CYP4Z1: variants seen among roughly 807,000 people sequenced by gnomAD.
CYP4Z1 encodes cytochrome P450 family 4 subfamily Z member 1.
A neutral mutation model predicts 54.2 loss-of-function variants in CYP4Z1; 41 were observed. The ratio of observed to expected loss-of-function variants is 0.76; its 90% CI spans 0.59 to 0.98. The LOEUF (loss-of-function observed/expected upper bound fraction) is 0.98. Among genes scored for constraint, CYP4Z1 ranks in the 50% least tolerant of loss-of-function variants. The probability of loss-of-function intolerance (pLI) is 0.00; values close to 1 mark genes in which losing one functional copy is unlikely to be tolerated. For synonymous variants in CYP4Z1, 163 were observed against 206.2 expected (o/e 0.79, Z 1.79); for missense variants, 513 against 599.0 (o/e 0.86, Z 1.50).
intron 8 of CYP4Z1, among the ~76,000 whole-genome samples, chr1:47,099,541 A>G (rs1644705383): frequency 6.6e-6 from 1 of 152,200 alleles, no homozygotes; most frequent in Admixed American, 6.5e-5. Flanking sequence ...AACTGCGGAA[A>G]GAATAGTCTG....
At chr1:47,063,267 A>G (rs1199164568), upstream of CYP4Z1, among the ~76,000 whole-genome samples, 1 of 152,166 alleles carries the variant, frequency 6.6e-6, no homozygotes, top group Non-Finnish European at 1.5e-5. Context: ...CTTCCCTCTG[A>G]CATAGTCTAT....
intron 8 of CYP4Z1, among the ~76,000 whole-genome samples, chr1:47,102,684 C>A (rs1374346327): frequency 6.6e-6 from 1 of 152,218 alleles, no homozygotes; most frequent in African/African-American, 2.4e-5. Flanking sequence ...GAGAAATCTA[C>A]TGTTAGCCTA....
At chr1:47,104,343 C>G (rs1301746118) in intron 8 of CYP4Z1, among the ~76,000 whole-genome samples, 1 of 152,196 alleles carries the variant, frequency 6.6e-6, no homozygotes, top group African/African-American at 2.4e-5. Context: ...GCAGTGGCTA[C>G]AGTAGGCTGA....
chr1:47,059,763 T>G, the CYP4Z1 span, among the ~76,000 whole-genome samples: 10 of 152,154 alleles, frequency 6.6e-5, no homozygotes, highest in Non-Finnish European at 1.2e-4. Flanking sequence ...GGCTGGGCTG[T>G]TTCCTAAGCA....
intron 6 of CYP4Z1, among the ~76,000 whole-genome samples, chr1:47,086,834 A>G (rs1644598943): frequency 6.6e-6 from 1 of 152,184 alleles, no homozygotes; most frequent in African/African-American, 2.4e-5. Flanking sequence ...TATGTCTAAC[A>G]TTTAAATCTT....
At chr1:47,105,923 G>T (rs559603972) in intron 8 of CYP4Z1, among the ~76,000 whole-genome samples, 48 of 152,194 alleles carry the variant, frequency 3.2e-4, no homozygotes, top group African/African-American at 8.2e-4. Context: ...ATCTGCGGGG[G>T]GGGGAGAATC....
the CYP4Z1 span, among the ~76,000 whole-genome samples, chr1:47,058,863 T>G: frequency 6.6e-6 from 1 of 152,146 alleles, no homozygotes; most frequent in Admixed American, 6.6e-5. Context: ...CAGGGGCCTA[T>G]GAATATTATT....
intron 8 of CYP4Z1, among the ~76,000 whole-genome samples, chr1:47,103,625 G>C (rs1237498885): frequency 2.7e-5 from 1 of 37,228 alleles, no homozygotes; most frequent in African/African-American, 1.0e-4. Flanking sequence ...ACAGAGTTTT[G>C]CTCTTGTTGC....
Position 47,084,636 on chromosome 1 carries a change from A to C in CYP4Z1, c.509A>C (p.His170Pro), listed in dbSNP as rs748820256. The change falls in exon 5 of 12, where the codon CAC becomes CCC. Residue 170 changes from histidine to proline, a missense_variant. Physicochemically the swap from His to Pro is moderately conservative, Grantham distance 77. Coordinates refer to ENST00000334194, the MANE Select transcript of CYP4Z1 (RefSeq NM_178134.3). Reference protein sequence around the residue: ...VRMMLNKWEEHIAQNSRLELF... With the variant: ...VRMMLNKWEEPIAQNSRLELF... ...CTGCCCCAGAACAAATGGGAGGAAC[A>C]CATTGCCCAAAACTCACGTCTGGAG... 5.0e-6 allele frequency: 8 copies of C among 1,603,812 alleles called. No individual in the cohort carries two copies. In the East Asian group the frequency reaches 1.8e-4, roughly 36 times the overall value.
At position 47,117,659 on chromosome 1, in the gene CYP4Z1, T is replaced by A. The variant is rs1473249606; in HGVS notation, c.1350-107T>A. 8 of 1,162,310 alleles carry A rather than the reference T, an allele frequency of 6.9e-6. No individual in the cohort carries two copies. In the East Asian group the frequency reaches 1.1e-4, roughly 16 times the overall value. The allele number at this position is 1,162,310 out of a possible 1,614,324, so 72.0% of individuals were successfully genotyped here. A position where few individuals can be genotyped will look rare whatever the true frequency, so the allele number is the denominator to read the frequency against. On this transcript the variant is annotated intron_variant, in intron 11 of 11. Coordinates refer to ENST00000334194, the MANE Select transcript of CYP4Z1 (RefSeq NM_178134.3). ...TCCAGCAGGATGACAGAAAAAAAAA[T>A]GGATCTTGTTTCCCTACAAAAGTCG...
chr1:47,104,676 C>A (rs1270774014), intron 8 of CYP4Z1, among the ~76,000 whole-genome samples: 3 of 152,124 alleles, frequency 2.0e-5, no homozygotes, highest in African/African-American at 7.2e-5. Flanking sequence ...AGGAGAAGTG[C>A]TCAGGTGCCA....
chr1:47,117,970 T>G lies in CYP4Z1; in HGVS notation c.*36T>G, dbSNP rs747654293. 2.5e-6 allele frequency: 4 copies of G among 1,593,402 alleles called. No homozygotes were observed. Among genetic ancestry groups the G allele is most frequent in the African/African-American group, 1.3e-5 (1 of 74,100 alleles). ...TTTCGTATAAGAATTAATGAGACAA[T>G]TTTCCTACCAAAGGAAGAACAAAAG... On this transcript the variant is annotated 3_prime_UTR_variant, in exon 12 of 12. Coordinates refer to ENST00000334194, the MANE Select transcript of CYP4Z1 (RefSeq NM_178134.3).
chr1:47,089,820 G>C (rs556676057), intron 6 of CYP4Z1, among the ~76,000 whole-genome samples: 1 of 152,266 alleles, frequency 6.6e-6, no homozygotes, highest in Non-Finnish European at 1.5e-5. Flanking sequence ...TCAGCAGGCA[G>C]TAGCAAGAAA....
intron 8 of CYP4Z1, among the ~76,000 whole-genome samples, chr1:47,105,771 T>C (rs1379333031): frequency 6.6e-6 from 1 of 152,214 alleles, no homozygotes; most frequent in Non-Finnish European, 1.5e-5. Context: ...TTTACAATTC[T>C]AAAGAGGCAG....
chr1:47,083,505 C>G (rs554163489), intron 4 of CYP4Z1, among the ~76,000 whole-genome samples: 1 of 152,280 alleles, frequency 6.6e-6, no homozygotes, highest in South Asian at 2.1e-4. Flanking sequence ...TGTTCAAGGT[C>G]ACAAGGCAGG....
At chr1:47,096,581 C>G (rs767559407) in intron 7 of CYP4Z1, 1 of 150,814 alleles carries the variant, frequency 6.6e-6, no homozygotes, top group South Asian at 2.1e-4. Context: ...GTTTGCTGCA[C>G]AGATCATCCC....
At chr1:47,060,245 C>G in the CYP4Z1 span, among the ~76,000 whole-genome samples, 2 of 152,052 alleles carry the variant, frequency 1.3e-5, no homozygotes, top group East Asian at 3.9e-4. Flanking sequence ...GGCTAAATGT[C>G]CCACTTAAAA....
intron 6 of CYP4Z1, among the ~76,000 whole-genome samples, chr1:47,087,500 G>A (rs1365124375): frequency 6.6e-6 from 1 of 152,166 alleles, no homozygotes; most frequent in Non-Finnish European, 1.5e-5. Flanking sequence ...CTGTTTGTCT[G>A]TTATTGGTGT....
At position 47,105,269 on chromosome 1, in the gene CYP4Z1, C is replaced by G. The variant is rs1644748768; in HGVS notation, c.1068-859C>G. 3.9e-5 allele frequency among the ~76,000 whole-genome samples: 6 copies of G among 152,058 alleles called. No homozygotes were observed. The South Asian group carries it at 1.0e-3, about 26-fold the overall frequency. On this transcript the variant is annotated intron_variant, in intron 8 of 11. Transcript: ENST00000334194. ...TGTGGAGATGTAGAGGCTGTTGAACCCCAAGGCAAGACACAGTCTGATGGA... is the reference window on the plus strand; with the variant it reads ...TGTGGAGATGTAGAGGCTGTTGAACGCCAAGGCAAGACACAGTCTGATGGA...
Sources: gnomAD v4.1 joint callset for allele counts (sites outside exome capture counted in the v4.1 genomes callset) on GRCh38, gnomAD v4.1.1 for gene constraint, MANE v1.5 for transcripts, NCBI Gene and HGNC (gene_info 2026-07-23, HGNC 2026-07-21) for gene names.